The following HTR2C variants were observed in gnomAD, a reference collection of about 807,000 sequenced individuals.
HTR2C encodes 5-hydroxytryptamine receptor 2C, also known as 5-hydroxytryptamine (serotonin) receptor 2C, G protein-coupled.
In HTR2C, 5 loss-of-function variants were observed where a neutral mutation model predicts 21.0. The observed-to-expected ratio is 0.24, with a 90% CI of 0.12 to 0.50. HTR2C has a LOEUF of 0.50. Among genes scored for constraint, HTR2C ranks in the 20% least tolerant of loss-of-function variants. HTR2C has a pLI of 0.98. For missense variants in HTR2C, 271 were observed against 371.2 expected (o/e 0.73, Z 2.22); for synonymous variants, 150 against 145.3 (o/e 1.03, Z -0.23).
intron 4 of HTR2C, among the ~76,000 whole-genome samples, chrX:114,826,826 T>G (rs2070682470): frequency 8.9e-6 from 1 of 111,985 alleles, no homozygotes; most frequent in Non-Finnish European, 1.9e-5. Context: ...TTGATTTGTT[T>G]GGACTTATGT....
At position 114,792,960 on chromosome X, in the gene HTR2C, G is replaced by A. The variant is rs182337884; in HGVS notation, c.350-55043G>A. On this transcript the variant is annotated intron_variant, in intron 4 of 5. Coordinates refer to ENST00000276198, the MANE Select transcript of HTR2C (RefSeq NM_000868.4). ...CATATCCTTTGCCCCATTTTTGATGGGGTTGTTTGTTTTTCACTTGTTCAT... is the reference window on the plus strand; with the variant it reads ...CATATCCTTTGCCCCATTTTTGATGAGGTTGTTTGTTTTTCACTTGTTCAT... 6.1e-3 allele frequency among the ~76,000 whole-genome samples: 674 copies of A among 111,356 alleles called. 4 individuals carry two copies. The highest frequency in any genetic ancestry group is 0.013 in the South Asian group (36 of 2,682).
intron 4 of HTR2C, among the ~76,000 whole-genome samples, chrX:114,824,523 T>C (rs2147462498): frequency 8.9e-6 from 1 of 112,502 alleles, no homozygotes; most frequent in African/African-American, 3.2e-5. Context: ...TAGGAGATGC[T>C]ACTGGCAGAG....
In HTR2C at chrX:114,908,142, G is replaced by C. The variant is rs1249911232; in HGVS notation, c.*727G>C. ...TAGCTTTTCACTTCTTAAGGACAGT[G>C]TTCAAATTCTGATTATTACAACAAG... On this transcript the variant is annotated 3_prime_UTR_variant, in exon 6 of 6. Transcript: ENST00000276198. 3 of 112,447 alleles carry C rather than the reference G, an allele frequency of 2.7e-5. No individual in the cohort carries two copies. The highest frequency in any genetic ancestry group is 9.7e-5 in the African/African-American group (3 of 30,931). The allele number at this position is 112,447 out of a possible 1,213,427, so 9.3% of individuals were successfully genotyped here.
chrX:114,823,939 A>G (rs1159037207), intron 4 of HTR2C, among the ~76,000 whole-genome samples: 2 of 112,118 alleles, frequency 1.8e-5, no homozygotes, highest in Non-Finnish European at 3.8e-5. Flanking sequence ...TCTTAATTAT[A>G]GAAAAAAACA....
chrX:114,597,166 C>CGAGATCGT (rs1323376759), intron 1 of HTR2C, among the ~76,000 whole-genome samples: 1 of 98,963 alleles, frequency 1.0e-5, no homozygotes, highest in East Asian at 3.1e-4. Context: ...TGCAGTGAGC[C>CGAGATCGT]GAGATCGTGC....
rs782042926 is a variant in HTR2C, at chrX:114,755,925, C to T, written c.349+24318C>T. Reference sequence around the variant, plus strand: ...AGGAGTTTGAGGACAGCCTGGGCAACATTGCAAGATCCTATGTCTACAAAA... The same window carrying T: ...AGGAGTTTGAGGACAGCCTGGGCAATATTGCAAGATCCTATGTCTACAAAA... On this transcript the variant is annotated intron_variant, in intron 4 of 5. Transcript: ENST00000276198. Among the ~76,000 whole-genome samples the T allele has an allele frequency of 2.7e-5, 3 of 110,280 alleles. No individual in the cohort carries two copies. In the East Asian group the frequency reaches 8.6e-4, roughly 32 times the overall value.
rs142080006 is a variant in HTR2C, at chrX:114,877,922, G to A, written c.551-28667G>A. Reference sequence around the variant, plus strand: ...TTCCATGTGCACTTGAGAAGAATGTGTATTCTGTTATTGTTGGATGTAAAG... The same window carrying A: ...TTCCATGTGCACTTGAGAAGAATGTATATTCTGTTATTGTTGGATGTAAAG... On this transcript the variant is annotated intron_variant, in intron 5 of 5. Coordinates refer to ENST00000276198, the MANE Select transcript of HTR2C (RefSeq NM_000868.4). 2.2e-3 allele frequency among the ~76,000 whole-genome samples: 240 copies of A among 110,635 alleles called. 1 individual carries two copies. Among genetic ancestry groups the A allele is most frequent in the African/African-American group, 6.3e-3 (194 of 30,713 alleles).
At chrX:114,845,011 A>G (rs1193456136) in intron 4 of HTR2C, among the ~76,000 whole-genome samples, 1 of 111,513 alleles carries the variant, frequency 9.0e-6, no homozygotes, top group African/African-American at 3.2e-5. Context: ...ACTATAAAAC[A>G]ACTAATTCTA....
At chrX:114,655,371 G>A (rs1930744954) in intron 2 of HTR2C, among the ~76,000 whole-genome samples, 1 of 111,365 alleles carries the variant, frequency 9.0e-6, no homozygotes, top group Non-Finnish European at 1.9e-5. Flanking sequence ...GTCAAAATGT[G>A]CTGATATGTT....
chrX:114,630,320 CA>C (rs1285512364), intron 2 of HTR2C, among the ~76,000 whole-genome samples: 1 of 111,668 alleles, frequency 9.0e-6, no homozygotes, highest in Non-Finnish European at 1.9e-5. Flanking sequence ...AAAATTCCAA[CA>C]TTTTTTTACC....
chrX:114,749,453 C>CAAAAAAAAAA (rs782652879), intron 4 of HTR2C, among the ~76,000 whole-genome samples: 4 of 41,904 alleles, frequency 9.5e-5, no homozygotes, highest in African/African-American at 2.2e-4. Flanking sequence ...GTCCATGTCT[C>CAAAAAAAAAA]AAAAAAAAAA....
intron 4 of HTR2C, among the ~76,000 whole-genome samples, chrX:114,754,194 T>C (rs1437990839): frequency 6.8e-5 from 5 of 73,257 alleles, no homozygotes; most frequent in Non-Finnish European, 1.7e-4. Context: ...CTTCAACATA[T>C]GAATTTTAGG....
At chrX:114,850,318 A>G (rs2147491186) in intron 5 of HTR2C, among the ~76,000 whole-genome samples, 1 of 110,640 alleles carries the variant, frequency 9.0e-6, no homozygotes, top group Non-Finnish European at 1.9e-5. Flanking sequence ...CTGTGGTGGG[A>G]GGATCACTTG....
intron 4 of HTR2C, among the ~76,000 whole-genome samples, chrX:114,845,460 A>G (rs899976057): frequency 2.1e-4 from 23 of 111,133 alleles, no homozygotes; most frequent in African/African-American, 7.5e-4. Flanking sequence ...ATAAGAAACT[A>G]GAAAAGTAGA....
intron 4 of HTR2C, among the ~76,000 whole-genome samples, chrX:114,806,436 C>A (rs1377853381): frequency 0.099 from 2,377 of 24,063 alleles, 439 homozygotes; most frequent in East Asian, 0.52. Flanking sequence ...TATATATACA[C>A]CATATATATA....
Position 114,806,199 on chromosome X carries a change from A to G in HTR2C, c.350-41804A>G, listed in dbSNP as rs1182376320. ...CACCCTATATATACACCATATATAT[A>G]CCATATATATACACTCTATATACCA... is the stretch of plus-strand genomic sequence containing the variant. On this transcript the variant is annotated intron_variant, in intron 4 of 5. Coordinates refer to ENST00000276198, the MANE Select transcript of HTR2C (RefSeq NM_000868.4). Among the ~76,000 whole-genome samples, 11 of 100,160 alleles carry G rather than the reference A, an allele frequency of 1.1e-4. No homozygotes were observed. The East Asian group carries it at 3.5e-3, about 32-fold the overall frequency. 87.0% of individuals were successfully genotyped at this position (100,160 alleles called of 115,157 possible).
At chrX:114,850,975 C>A (rs782316332) in intron 5 of HTR2C, among the ~76,000 whole-genome samples, 1 of 110,982 alleles carries the variant, frequency 9.0e-6, no homozygotes, top group Middle Eastern at 4.4e-3. Context: ...ATAGACTTTT[C>A]GGCAAAAAAC....
At chrX:114,696,979 G>T (rs1235121232) in intron 2 of HTR2C, among the ~76,000 whole-genome samples, 2 of 111,151 alleles carry the variant, frequency 1.8e-5, no homozygotes, top group Non-Finnish European at 3.8e-5. Context: ...GATACTTAAA[G>T]TTTTATAGCT....
chrX:114,909,293 A>C lies in HTR2C; in HGVS notation c.*1878A>C, dbSNP rs1455125571. Reference sequence around the variant, plus strand: ...TGATTTAATTCTTACCGAAATGAAAATGGCTGAAGAAACACAGCATGCATT... The same window carrying C: ...TGATTTAATTCTTACCGAAATGAAACTGGCTGAAGAAACACAGCATGCATT... On this transcript the variant is annotated 3_prime_UTR_variant, in exon 6 of 6. Coordinates refer to ENST00000276198, the MANE Select transcript of HTR2C (RefSeq NM_000868.4). 1.8e-5 allele frequency: 2 copies of C among 112,700 alleles called. No homozygotes were observed. The highest frequency in any genetic ancestry group is 3.8e-5 in the Non-Finnish European group (2 of 53,301). 9.3% of individuals were successfully genotyped at this position (112,700 alleles called of 1,213,427 possible). A position where few individuals can be genotyped will look rare whatever the true frequency, so the allele number is the denominator to read the frequency against.
Sources: allele counts gnomAD v4.1 joint callset (sites outside exome capture counted in the v4.1 genomes callset), GRCh38; gene constraint gnomAD v4.1.1; transcripts MANE v1.5; gene names NCBI Gene and HGNC (gene_info 2026-07-23, HGNC 2026-07-21).